The following CD2AP variants were observed in gnomAD, a reference collection of about 807,000 sequenced individuals.
The protein encoded by CD2AP is CD2 associated protein, also known as CD2-associated protein.
CD2AP carries 46 observed loss-of-function variants against 85.1 expected under a neutral mutation model. That is an observed-to-expected ratio of 0.54 (90% CI 0.43 to 0.69). The LOEUF (loss-of-function observed/expected upper bound fraction) is 0.69, where lower values mean the gene tolerates loss of function less well. CD2AP is among the 30% of genes least tolerant of loss of function. The pLI is 0.00. For missense variants in CD2AP, 769 were observed against 729.5 expected, an observed-to-expected ratio of 1.05 and a Z score of -0.62; for synonymous variants, 255 against 252.9, an observed-to-expected ratio of 1.01 and a Z score of -0.08.
At chr6:47,579,636 T>C (rs958870929) in intron 9 of CD2AP, 147 bp downstream of exon 9, 4 of 620,388 alleles carry the variant, frequency 6.4e-6, no homozygotes, top group South Asian at 3.9e-5. Context: ...ATTTGAGTTA[T>C]AGTAAAACAA....
chr6:47,504,678 G>A (rs554033877), intron 2 of CD2AP, among the ~76,000 whole-genome samples: 2 of 140,590 alleles, frequency 1.4e-5, no homozygotes, highest in East Asian at 4.0e-4. Context: ...CTGCTACAGG[G>A]GTACCTTGGA....
chr6:47,573,484 GT>G (rs765430650), intron 5 of CD2AP, among the ~76,000 whole-genome samples: 2,150 of 94,692 alleles, frequency 0.023, 12 homozygotes, highest in African/African-American at 0.063. Context: ...CATGCTGTGT[GT>G]TTTTTTTTTT....
intron 5 of CD2AP, among the ~76,000 whole-genome samples, chr6:47,555,445 ATT>A (rs1767655375): frequency 1.3e-5 from 2 of 152,102 alleles, no homozygotes; most frequent in African/African-American, 4.8e-5. Flanking sequence ...TGTAGTGAGA[ATT>A]TTCGGGGATT....
chr6:47,576,651 C>A, intron 7 of CD2AP, 49 bp downstream of exon 7: 3 of 1,278,952 alleles, frequency 2.3e-6, no homozygotes, highest in Non-Finnish European at 3.4e-6. Flanking sequence ...GAAACATACT[C>A]AAATGTATTA....
intron 11 of CD2AP, among the ~76,000 whole-genome samples, chr6:47,594,375 A>T (rs1768880932): frequency 6.6e-6 from 1 of 152,096 alleles, no homozygotes; most frequent in Non-Finnish European, 1.5e-5. Context: ...TTAGTTATGG[A>T]CATAACCAGG....
intron 16 of CD2AP, 97 bp downstream of exon 16, chr6:47,609,401 G>C (rs1769365017): frequency 1.9e-6 from 2 of 1,029,042 alleles, no homozygotes; most frequent in Admixed American, 3.5e-5. Context: ...CTGTGGCTGG[G>C]TGTGGTAGTT....
chr6:47,497,754 C>T (rs1765902007), intron 1 of CD2AP, among the ~76,000 whole-genome samples: 1 of 152,098 alleles, frequency 6.6e-6, no homozygotes, highest in African/African-American at 2.4e-5. Context: ...TTTGCCTTTC[C>T]AAAAGTTTCT....
intron 8 of CD2AP, 82 bp from the exon 9 acceptor site, chr6:47,579,303 T>G: frequency 1.2e-6 from 1 of 844,172 alleles, no homozygotes; most frequent in South Asian, 1.4e-5. Context: ...TCACTGCACT[T>G]CAGCCTGGCC....
At chr6:47,539,000 A>G (rs188157979) in intron 3 of CD2AP, among the ~76,000 whole-genome samples, 29 of 152,300 alleles carry the variant, frequency 1.9e-4, no homozygotes, top group East Asian at 5.8e-4. Flanking sequence ...TTGTGTGTCA[A>G]ATGCCTTTGT....
At chr6:47,622,749 C>A (rs963427530) in intron 17 of CD2AP, among the ~76,000 whole-genome samples, 1 of 152,148 alleles carries the variant, frequency 6.6e-6, no homozygotes, top group Non-Finnish European at 1.5e-5. Flanking sequence ...TCGGTCCTCT[C>A]GGGATTGCTG....
At chr6:47,556,339 A>T (rs1767687749) in intron 5 of CD2AP, among the ~76,000 whole-genome samples, 1 of 151,534 alleles carries the variant, frequency 6.6e-6, no homozygotes, top group African/African-American at 2.4e-5. Flanking sequence ...GTTCATGAGA[A>T]TGATGGTTTC....
intron 5 of CD2AP, among the ~76,000 whole-genome samples, chr6:47,570,071 A>G (rs1768108723): frequency 6.6e-6 from 1 of 152,194 alleles, no homozygotes; most frequent in Non-Finnish European, 1.5e-5. Flanking sequence ...CTTGAGAATA[A>G]TGGTGAAAGA....
At chr6:47,523,021 G>T (rs1304011279) in intron 2 of CD2AP, among the ~76,000 whole-genome samples, 2 of 151,964 alleles carry the variant, frequency 1.3e-5, no homozygotes, top group Non-Finnish European at 2.9e-5. Flanking sequence ...TTCATAAGAA[G>T]AAATATTTAA....
At chr6:47,567,032 A>T (rs148359908) in intron 5 of CD2AP, among the ~76,000 whole-genome samples, 160 of 151,918 alleles carry the variant, frequency 1.1e-3, no homozygotes, top group African/African-American at 3.4e-3. Flanking sequence ...TCCTGAGATT[A>T]TTTAACTACT....
At chr6:47,602,452 T>C (rs112090941) in intron 13 of CD2AP, among the ~76,000 whole-genome samples, 292 of 152,214 alleles carry the variant, frequency 1.9e-3, no homozygotes, top group African/African-American at 6.8e-3. Context: ...ATCTGAAAAG[T>C]AAAATTATCT....
intron 4 of CD2AP, among the ~76,000 whole-genome samples, chr6:47,554,440 G>A (rs1011961839): frequency 1.3e-4 from 20 of 152,092 alleles, no homozygotes; most frequent in African/African-American, 4.6e-4. Context: ...AAGTACTGTT[G>A]ATGTATGATT....
At chr6:47,493,424 G>A (rs1765782619) in intron 1 of CD2AP, among the ~76,000 whole-genome samples, 1 of 150,354 alleles carries the variant, frequency 6.7e-6, no homozygotes, top group Non-Finnish European at 1.5e-5. Flanking sequence ...CTGATGAGAA[G>A]CCTGCTGTAA....
At chr6:47,524,654 T>C (rs1766676681) in intron 2 of CD2AP, among the ~76,000 whole-genome samples, 1 of 152,158 alleles carries the variant, frequency 6.6e-6, no homozygotes, top group East Asian at 1.9e-4. Flanking sequence ...TTTACATTCC[T>C]GGATAGAAAA....
chr6:47,593,339 C>T lies in CD2AP; in HGVS notation c.1109-2522C>T, dbSNP rs140833424. 3.3e-4 allele frequency among the ~76,000 whole-genome samples: 50 copies of T among 151,940 alleles called. No homozygotes were observed. The East Asian group carries it at 8.3e-3, about 25-fold the overall frequency. ...AATGGGAGAAATCTTATGAGATTTG[C>T]AAGTATCTGGAATATGTAAAGGACT... is the stretch of plus-strand genomic sequence containing the variant. On this transcript the variant is annotated intron_variant, in intron 11 of 17. Coordinates refer to ENST00000359314, the MANE Select transcript of CD2AP (RefSeq NM_012120.3).
Sources: allele counts gnomAD v4.1 joint callset (sites outside exome capture counted in the v4.1 genomes callset), GRCh38; gene constraint gnomAD v4.1.1; transcripts MANE v1.5; gene names NCBI Gene and HGNC (gene_info 2026-07-23, HGNC 2026-07-21).